SCN11A: variants seen among roughly 807,000 people sequenced by gnomAD.
SCN11A encodes sodium voltage-gated channel alpha subunit 11, also known as sodium channel protein type 11 subunit alpha.
In SCN11A, 122 loss-of-function variants were observed where a neutral mutation model predicts 162.2. The observed-to-expected ratio is 0.75, with a 90% CI of 0.65 to 0.87. The LOEUF (loss-of-function observed/expected upper bound fraction) is 0.87, where lower values mean the gene tolerates loss of function less well. Among genes scored for constraint, SCN11A ranks in the 40% least tolerant of loss-of-function variants. The pLI, the probability that SCN11A is intolerant of heterozygous loss-of-function variation, is 0.00. For missense variants in SCN11A, 2,015 were observed against 2,181.6 expected (o/e 0.92, Z 1.52); for synonymous variants, 758 against 751.5 (o/e 1.01, Z -0.14).
intron 2 of SCN11A, among the ~76,000 whole-genome samples, chr3:38,973,922 A>T (rs985191400): frequency 2.6e-5 from 4 of 152,254 alleles, no homozygotes; most frequent in African/African-American, 7.2e-5. Flanking sequence ...GGAGGCTGGC[A>T]GATGCCAACA....
intron 11 of SCN11A, among the ~76,000 whole-genome samples, chr3:38,913,133 A>T (rs536692738): frequency 6.6e-6 from 1 of 152,132 alleles, no homozygotes; most frequent in African/African-American, 2.4e-5. Flanking sequence ...TCTCCACAAC[A>T]TTGCCAGCGT....
intron 23 of SCN11A, among the ~76,000 whole-genome samples, chr3:38,877,091 AT>A: frequency 2.4e-5 from 1 of 41,586 alleles, no homozygotes; most frequent in East Asian, 5.8e-4. Flanking sequence ...TACTATATAT[AT>A]GGTATATATA....
chr3:38,864,123 G>A, intron 27 of SCN11A, among the ~76,000 whole-genome samples: 1 of 152,088 alleles, frequency 6.6e-6, no homozygotes, highest in East Asian at 1.9e-4. Flanking sequence ...TCCAAAGGTG[G>A]CCAACAGAAG....
At chr3:38,960,178 A>G (rs1399255847) in intron 3 of SCN11A, among the ~76,000 whole-genome samples, 105 bp downstream of exon 3, 1 of 152,054 alleles carries the variant, frequency 6.6e-6, no homozygotes, top group Non-Finnish European at 1.5e-5. Context: ...AATAATCACA[A>G]AAGGCCTGTA....
intron 16 of SCN11A, among the ~76,000 whole-genome samples, chr3:38,901,354 G>A (rs1434501502): frequency 6.6e-6 from 1 of 152,098 alleles, no homozygotes; most frequent in African/African-American, 2.4e-5. Context: ...CTCCTGCTCA[G>A]TGTCACCACC....
rs60263866 is a variant in SCN11A at position 39,009,843 on chromosome 3, AT to A, written c.-280+22536del. Among the ~76,000 whole-genome samples the A allele has an allele frequency of 4.8e-3, 559 of 115,308 alleles. 7 individuals carry two copies. The highest frequency in any genetic ancestry group is 0.014 in the Middle Eastern group (3 of 208). The allele number at this position is 115,308 out of a possible 152,430, so 75.6% of individuals were successfully genotyped here. On this transcript the variant is annotated intron_variant, in intron 2 of 29. Coordinates refer to ENST00000302328, the MANE Select transcript of SCN11A (RefSeq NM_001349253.2). Reference sequence around the variant, plus strand: ...AGGTGTGCATCATCACGCTCAGCTAATTTTTTTTTTTTTTTTTTTTGGTAAA... The same window carrying A: ...AGGTGTGCATCATCACGCTCAGCTAATTTTTTTTTTTTTTTTTTTGGTAAA...
intron 26 of SCN11A, among the ~76,000 whole-genome samples, chr3:38,867,672 A>G (rs1446917482): frequency 1.3e-5 from 2 of 152,060 alleles, no homozygotes; most frequent in Admixed American, 6.6e-5. Flanking sequence ...GGGGTGATGG[A>G]AAATCGGGCT....
intron 2 of SCN11A, among the ~76,000 whole-genome samples, chr3:39,031,062 G>A (rs2031737594): frequency 6.6e-6 from 1 of 152,052 alleles, no homozygotes; most frequent in Admixed American, 6.6e-5. Flanking sequence ...ACTGGTTTAT[G>A]TGTCTCTAAT....
chr3:38,992,919 G>A (rs917128465), intron 2 of SCN11A, among the ~76,000 whole-genome samples: 1 of 152,194 alleles, frequency 6.6e-6, no homozygotes, highest in Non-Finnish European at 1.5e-5. Context: ...CAGGCTGAGA[G>A]CTTCCTACGC....
chr3:38,857,982 G>A lies in SCN11A; in HGVS notation c.4056+5213C>T, dbSNP rs565514310. 2.6e-5 allele frequency among the ~76,000 whole-genome samples: 4 copies of A among 151,878 alleles called. No individual in the cohort carries two copies. In the South Asian group the frequency reaches 6.2e-4, roughly 24 times the overall value. On this transcript the variant is annotated intron_variant, in intron 28 of 29. Transcript: ENST00000302328. ...CATCACCACCAAACCAACACTGCAA[G>A]AAATGCAAAAAGGAGTTCTAAATTA... is the stretch of plus-strand genomic sequence containing the variant.
At chr3:39,011,021 A>G (rs565757003) in intron 2 of SCN11A, among the ~76,000 whole-genome samples, 1 of 152,302 alleles carries the variant, frequency 6.6e-6, no homozygotes, top group African/African-American at 2.4e-5. Flanking sequence ...TGCCGAACCA[A>G]ACCTAGGGTC....
At chr3:38,977,846 C>A (rs1300483197) in intron 2 of SCN11A, among the ~76,000 whole-genome samples, 1 of 152,208 alleles carries the variant, frequency 6.6e-6, no homozygotes, top group Non-Finnish European at 1.5e-5. Flanking sequence ...TTTACCTCCT[C>A]CATGGACTTT....
chr3:38,846,461 G>T lies in SCN11A; in HGVS notation c.*233C>A. ...GTATGTCCTTTTACAGTCCTTCCTG[G>T]TGTCTTCTTCCTTATTATAATAGTA... On this transcript the variant is annotated 3_prime_UTR_variant, in exon 30 of 30. Transcript: ENST00000302328. 1 of 525,672 alleles carries T rather than the reference G, an allele frequency of 1.9e-6. No individual in the cohort carries two copies. Among genetic ancestry groups the T allele is most frequent in the African/African-American group, 1.9e-5 (1 of 52,830 alleles). 32.6% of individuals were successfully genotyped at this position (525,672 alleles called of 1,614,324 possible).
intron 6 of SCN11A, among the ~76,000 whole-genome samples, chr3:38,945,975 G>A (rs761795036): frequency 2.0e-5 from 3 of 152,222 alleles, no homozygotes; most frequent in Non-Finnish European, 2.9e-5. Context: ...AACCCAAATA[G>A]TTATTCATTG....
At chr3:38,908,790 C>T (rs111802938) in intron 13 of SCN11A, among the ~76,000 whole-genome samples, 90 of 152,256 alleles carry the variant, frequency 5.9e-4, no homozygotes, top group African/African-American at 1.9e-3. Context: ...AAGCGTTCCC[C>T]GTTTTGAAGG....
intron 2 of SCN11A, among the ~76,000 whole-genome samples, chr3:38,978,704 A>T: frequency 6.6e-6 from 1 of 152,206 alleles, no homozygotes; most frequent in East Asian, 1.9e-4. Context: ...TGAAATGAAG[A>T]TAATTTGATT....
intron 7 of SCN11A, among the ~76,000 whole-genome samples, chr3:38,939,603 G>A (rs1275033333): frequency 2.0e-5 from 3 of 151,936 alleles, no homozygotes; most frequent in Admixed American, 1.3e-4. Flanking sequence ...TCATTTCCAT[G>A]CTATTAAAAA....
intron 2 of SCN11A, among the ~76,000 whole-genome samples, chr3:38,961,369 T>G (rs1043330941): frequency 6.6e-6 from 1 of 152,230 alleles, no homozygotes; most frequent in Admixed American, 6.5e-5. Flanking sequence ...GAAGTATCTG[T>G]GGATTTTTAA....
At chr3:38,909,959 T>A in intron 12 of SCN11A, 107 bp downstream of exon 12, 2 of 1,031,984 alleles carry the variant, frequency 1.9e-6, no homozygotes. Flanking sequence ...AAGTGGGGGA[T>A]GAATGGTAGT....
Sources: allele counts gnomAD v4.1 joint callset (sites outside exome capture counted in the v4.1 genomes callset), GRCh38; gene constraint gnomAD v4.1.1; transcripts MANE v1.5; gene names NCBI Gene and HGNC (gene_info 2026-07-23, HGNC 2026-07-21).